ANKHD1: variants seen among roughly 807,000 people sequenced by gnomAD.
The protein encoded by ANKHD1 is ankyrin repeat and KH domain-containing protein 1.
A neutral mutation model predicts 230.5 loss-of-function variants in ANKHD1; 31 were observed. The ratio of observed to expected loss-of-function variants is 0.13; its 90% CI spans 0.10 to 0.18. The LOEUF (loss-of-function observed/expected upper bound fraction) is 0.18, where lower values mean the gene tolerates loss of function less well. Ranked by LOEUF, ANKHD1 falls within the 10% of genes least tolerant of loss-of-function variation. The pLI is 1.00. For synonymous variants in ANKHD1, 1,074 were observed against 1,117.6 expected (o/e 0.96, Z 0.78); for missense variants, 2,256 against 3,071.3 (o/e 0.73, Z 6.27).
chr5:140,402,096 C>T lies in ANKHD1; in HGVS notation c.129C>T (p.Thr43=), dbSNP rs1345705158. 9 of 1,521,616 alleles carry T rather than the reference C, an allele frequency of 5.9e-6. 1 individual carries two copies. The South Asian group carries it at 8.9e-5, about 15-fold the overall frequency. 94.3% of individuals were successfully genotyped at this position (1,521,616 alleles called of 1,614,324 possible). The change falls in exon 1 of 34, where the codon ACC becomes ACT. Residue 43 remains threonine, a synonymous_variant. Coordinates refer to ENST00000360839, the MANE Select transcript of ANKHD1 (RefSeq NM_017747.3). ...GAGGGGTCGGTCTGGGGATCCGCAC[C>T]GTGAGGCTCTTTGGGGAGGCCGGGC... The part of the protein sequence containing the change: ...PPGGVGLGIR[T]VRLFGEAGPA...
At chr5:140,426,700 C>A (rs904335002) in intron 1 of ANKHD1, among the ~76,000 whole-genome samples, 1 of 152,030 alleles carries the variant, frequency 6.6e-6, no homozygotes, top group Non-Finnish European at 1.5e-5. Flanking sequence ...TACTTGAGAC[C>A]AGGGAGTGGT....
rs781588468 is a variant in ANKHD1 at position 140,438,472 on chromosome 5, T to C, written c.472T>C (p.Leu158=). The change falls in exon 3 of 34, where the codon TTG becomes CTG. Residue 158 remains leucine, a synonymous_variant. Coordinates refer to ENST00000360839, the MANE Select transcript of ANKHD1 (RefSeq NM_017747.3). Reference sequence around the variant, plus strand: ...GATGCACACTGAAGGAATTGGCAAATTGTCAACTGCTGATGGTAAAGCTTT... The same window carrying C: ...GATGCACACTGAAGGAATTGGCAAACTGTCAACTGCTGATGGTAAAGCTTT... ...ALLEAAGIGK[L]STADGKAFAD... The C allele has an allele frequency of 1.9e-6, 3 of 1,606,926 alleles. No individual in the cohort carries two copies. Among genetic ancestry groups the C allele is most frequent in the South Asian group, 2.2e-5 (2 of 89,930 alleles).
chr5:140,528,922 A>G lies in ANKHD1; in HGVS notation c.5976A>G (p.Ala1992=), dbSNP rs762762724. The change falls in exon 29 of 34, where the codon GCA becomes GCG. Residue 1992 remains alanine, a synonymous_variant. Coordinates refer to ENST00000360839, the MANE Select transcript of ANKHD1 (RefSeq NM_017747.3). The part of the protein sequence containing the change: ...TCSSLPSVSS[A]PITSGQAPTT... The stretch of plus-strand genomic sequence containing the variant: ...GTTCCCTGCCTTCTGTCTCCTCTGC[A>G]CCTATCACTAGCGGGCAAGCTCCCA... 6.2e-7 allele frequency: 1 copy of G among 1,614,148 alleles called. No individual in the cohort carries two copies. Among genetic ancestry groups the G allele is most frequent in the Non-Finnish European group, 8.5e-7 (1 of 1,180,020 alleles).
chr5:140,415,340 C>T (rs1020832705), intron 1 of ANKHD1, among the ~76,000 whole-genome samples: 1 of 150,466 alleles, frequency 6.6e-6, no homozygotes, highest in Admixed American at 6.6e-5. Flanking sequence ...TGAGATCTTG[C>T]CACTGCACTC....
At chr5:140,532,394 G>A (rs1165443669) in intron 29 of ANKHD1, among the ~76,000 whole-genome samples, 1 of 152,006 alleles carries the variant, frequency 6.6e-6, no homozygotes, top group Non-Finnish European at 1.5e-5. Context: ...TAGGATGAAG[G>A]GGTGATTGGA....
intron 23 of ANKHD1, 130 bp from the exon 24 acceptor site, chr5:140,513,233 A>T: frequency 1.1e-6 from 1 of 896,606 alleles, no homozygotes; most frequent in Non-Finnish European, 1.6e-6. Context: ...TTGGACTCAA[A>T]GGATAACTTA....
In ANKHD1 at chr5:140,529,016, G is replaced by A; in HGVS notation, c.6070G>A (p.Val2024Met). The stretch of plus-strand genomic sequence containing the variant: ...ACAAAAGATGGAGTCTTTCTCTGCT[G>A]TGCCACCCACCAAAGAGAAAGTGTC... ...SSQKMESFSA[V>M]PPTKEKVSTQ... is the part of the protein sequence containing the mutation. Residue 2024 changes from valine to methionine, a missense_variant, in exon 29 of 34, where the codon GTG becomes ATG. By Grantham distance (21) the Val-to-Met change is conservative. Coordinates refer to ENST00000360839, the MANE Select transcript of ANKHD1 (RefSeq NM_017747.3). The A allele has an allele frequency of 6.2e-7, 1 of 1,614,086 alleles. No homozygotes were observed. Among genetic ancestry groups the A allele is most frequent in the Non-Finnish European group, 8.5e-7 (1 of 1,180,042 alleles).
chr5:140,501,138 G>T (rs565292791), intron 15 of ANKHD1, among the ~76,000 whole-genome samples: 2 of 142,748 alleles, frequency 1.4e-5, no homozygotes. Flanking sequence ...ACACTGTCAC[G>T]CATCTTGGCT....
At chr5:140,492,755 C>T (rs1399805001) in intron 14 of ANKHD1, among the ~76,000 whole-genome samples, 1 of 152,112 alleles carries the variant, frequency 6.6e-6, no homozygotes, top group Non-Finnish European at 1.5e-5. Context: ...GAAATCTAGT[C>T]TAGATCCTTC....
chr5:140,534,249 G>A (rs549087676), intron 29 of ANKHD1, among the ~76,000 whole-genome samples: 32 of 152,060 alleles, frequency 2.1e-4, no homozygotes, highest in Admixed American at 1.3e-4. Context: ...AAAATTAGCC[G>A]GGCGTGATGG....
chr5:140,502,038 T>TAA (rs750983725), intron 15 of ANKHD1, among the ~76,000 whole-genome samples: 63 of 132,584 alleles, frequency 4.8e-4, no homozygotes, highest in African/African-American at 1.6e-3. Context: ...CCTATCTCTT[T>TAA]AAAAAAAAAA....
chr5:140,454,140 C>G (rs1581268729), intron 7 of ANKHD1, among the ~76,000 whole-genome samples: 1 of 152,238 alleles, frequency 6.6e-6, no homozygotes, highest in Middle Eastern at 3.4e-3. Flanking sequence ...GTAAAGGGAT[C>G]AATTCAACAA....
At chr5:140,449,143 C>T in intron 6 of ANKHD1, 68 bp from the exon 7 acceptor site, 1 of 1,454,188 alleles carries the variant, frequency 6.9e-7, no homozygotes, top group East Asian at 2.6e-5. Flanking sequence ...GAAAAAGATT[C>T]CATACCTCAA....
Position 140,537,406 on chromosome 5 carries a change from A to T in ANKHD1, c.7045A>T (p.Thr2349Ser). 1 of 1,614,060 alleles carries T rather than the reference A, an allele frequency of 6.2e-7. No homozygotes were observed. Among genetic ancestry groups the T allele is most frequent in the South Asian group, 1.1e-5 (1 of 91,076 alleles). Residue 2349 changes from threonine (T) to serine (S), a missense_variant, in exon 31 of 34, where the codon ACG becomes TCG. Thr to Ser is a moderately conservative substitution (Grantham distance 58). Transcript: ENST00000360839. ...ASNSSTSAPP[T>S]LGQPKGVSAS... ...TCTTTCAGCCACTTCTGCCCCACCA[A>T]CGTTGGGCCAACCAAAAGGAGTCAG...
intron 22 of ANKHD1, among the ~76,000 whole-genome samples, chr5:140,510,474 G>A (rs1004973953): frequency 2.6e-5 from 4 of 151,452 alleles, no homozygotes; most frequent in African/African-American, 7.3e-5. Context: ...CACCACACCC[G>A]GCTAATTTTT....
chr5:140,520,728 A>G (rs1035895527), intron 24 of ANKHD1, among the ~76,000 whole-genome samples: 3 of 141,666 alleles, frequency 2.1e-5, no homozygotes, highest in African/African-American at 5.2e-5. Flanking sequence ...GAATTGAACA[A>G]TGAGAACACA....
At chr5:140,453,375 A>G (rs563396234) in intron 7 of ANKHD1, among the ~76,000 whole-genome samples, 2 of 152,106 alleles carry the variant, frequency 1.3e-5, no homozygotes, top group Non-Finnish European at 2.9e-5. Flanking sequence ...CCACAAAGAT[A>G]CTCCTTGAGA....
chr5:140,459,912 A>ATC (rs1775580679), intron 9 of ANKHD1, among the ~76,000 whole-genome samples: 1 of 152,188 alleles, frequency 6.6e-6, no homozygotes, highest in Non-Finnish European at 1.5e-5. Flanking sequence ...TAGACTCCTA[A>ATC]GTCTCTAAAA....
At chr5:140,495,093 A>G (rs1197586623) in intron 14 of ANKHD1, among the ~76,000 whole-genome samples, 1 of 152,066 alleles carries the variant, frequency 6.6e-6, no homozygotes, top group Non-Finnish European at 1.5e-5. Context: ...CTGTCTCTAT[A>G]GATTTGCCTT....
Sources: allele counts gnomAD v4.1 joint callset (sites outside exome capture counted in the v4.1 genomes callset), GRCh38; gene constraint gnomAD v4.1.1; transcripts MANE v1.5; gene names NCBI Gene and HGNC (gene_info 2026-07-23, HGNC 2026-07-21).